The following RGS12 variants were observed in gnomAD, a reference collection of about 807,000 sequenced individuals.
The protein encoded by RGS12 is regulator of G protein signaling 12, also known as regulator of G-protein signaling 12.
In RGS12, 66 loss-of-function variants were observed where a neutral mutation model predicts 120.1. That is an observed-to-expected ratio of 0.55 (90% confidence interval 0.45 to 0.67). The LOEUF (loss-of-function observed/expected upper bound fraction) is 0.67. Ranked by LOEUF, RGS12 falls within the 30% of genes least tolerant of loss-of-function variation. The pLI, the probability that RGS12 is intolerant of heterozygous loss-of-function variation, is 0.00. For synonymous variants in RGS12, 827 were observed against 804.7 expected (o/e 1.03, Z -0.47); for missense variants, 1,859 against 1,957.7 (o/e 0.95, Z 0.95).
At chr4:3,415,123 G>A (rs576884178) in intron 6 of RGS12, among the ~76,000 whole-genome samples, 96 of 142,520 alleles carry the variant, frequency 6.7e-4, no homozygotes, top group African/African-American at 2.4e-3. Context: ...AGAGGGCCGC[G>A]TGTGTGTGAG....
intron 4 of RGS12, among the ~76,000 whole-genome samples, chr4:3,409,955 G>C (rs994132337): frequency 2.0e-5 from 3 of 152,204 alleles, no homozygotes; most frequent in Non-Finnish European, 4.4e-5. Flanking sequence ...TGAACTTCGT[G>C]CTGCTCCGTG....
intron 17 of RGS12, among the ~76,000 whole-genome samples, chr4:3,436,897 G>A (rs916850301): frequency 3.3e-5 from 5 of 152,322 alleles, no homozygotes; most frequent in African/African-American, 4.8e-5. Context: ...GCCGTGGGGC[G>A]CCGGGGAGAG....
chr4:3,432,279 T>C, intron 17 of RGS12: 11 of 674,866 alleles, frequency 1.6e-5, no homozygotes, highest in Non-Finnish European at 2.0e-5. Flanking sequence ...TTTAGGAGAT[T>C]AAGTGGATTT....
chr4:3,420,609 A>T (rs779281661), intron 9 of RGS12, 33 bp from the exon 10 acceptor site: 2 of 1,607,512 alleles, frequency 1.2e-6, no homozygotes, highest in Admixed American at 3.3e-5. Flanking sequence ...CAGGGTTCTG[A>T]TTGACGTGAG....
chr4:3,390,263 G>A lies in RGS12; in HGVS notation c.2020+3826G>A, dbSNP rs1016309221. ...TGTCAATTTCCTGCCCGTGCTAGGG[G>A]CAGCTTCCATCATTTTAATTATTCA... On this transcript the variant is annotated intron_variant, in intron 4 of 17. Coordinates refer to ENST00000336727, the MANE Select transcript of RGS12 (RefSeq NM_001394154.1). This position sits in a 1 kb window ranked among gnomAD's most constrained non-coding sequence, Gnocchi z 4.6. 3.3e-5 allele frequency among the ~76,000 whole-genome samples: 5 copies of A among 152,162 alleles called. No individual in the cohort carries two copies. The highest frequency in any genetic ancestry group is 7.2e-5 in the African/African-American group (3 of 41,432).
chr4:3,291,148 G>A (rs1403747062), upstream of RGS12, among the ~76,000 whole-genome samples: 1 of 152,238 alleles, frequency 6.6e-6, no homozygotes, highest in African/African-American at 2.4e-5. Context: ...AGGGAAAGAA[G>A]AGACCTGCAG....
intron 3 of RGS12, among the ~76,000 whole-genome samples, chr4:3,383,331 G>C (rs1718463082): frequency 6.6e-6 from 1 of 152,082 alleles, no homozygotes; most frequent in Admixed American, 6.5e-5. Context: ...TTTGGGTGGG[G>C]CATGGAGGCT....
At chr4:3,378,001 C>T (rs915177882) in intron 3 of RGS12, among the ~76,000 whole-genome samples, 5 of 152,090 alleles carry the variant, frequency 3.3e-5, no homozygotes, top group Non-Finnish European at 7.4e-5. Context: ...CCATGGGTGG[C>T]TTTGTTTTTG....
intron 1 of RGS12, among the ~76,000 whole-genome samples, chr4:3,306,383 G>C (rs1723967347): frequency 6.6e-6 from 1 of 152,226 alleles, no homozygotes; most frequent in South Asian, 2.1e-4. Context: ...CGAGGAGACG[G>C]ATGCAGGTAT....
chr4:3,387,270 C>T (rs563095037), intron 4 of RGS12, among the ~76,000 whole-genome samples: 6 of 152,336 alleles, frequency 3.9e-5, no homozygotes, highest in Non-Finnish European at 7.3e-5. Flanking sequence ...GTTTGAGGTG[C>T]CACTGTATTT....
rs374632567 is a variant in RGS12 at position 3,317,054 on chromosome 4, C to T, written c.884C>T (p.Pro295Leu). 48 of 1,613,478 alleles carry T rather than the reference C, an allele frequency of 3.0e-5. No individual in the cohort carries two copies. The African/African-American group carries it at 4.0e-4, about 13-fold the overall frequency. Residue 295 changes from proline (P) to leucine (L), a missense_variant, in exon 2 of 18, where the codon CCG (proline) becomes CTG (leucine). By Grantham distance (98) the Pro-to-Leu change is moderately conservative (BLOSUM62 -3). Around this residue, in one of 3 missense-constraint regions of RGS12, gnomAD observed 967 missense variants for 994.2 expected, o/e 0.97. Coordinates refer to ENST00000336727, the MANE Select transcript of RGS12 (RefSeq NM_001394154.1). ...AAGGCTGGAGTCGTGGCCGAGTACC[C>T]GGCCGAGAAGCTGGCCTTCAGCGCC... ...TDKAGVVAEY[P>L]AEKLAFSAVC...
At chr4:3,348,120 T>G (rs1186085509) in intron 3 of RGS12, among the ~76,000 whole-genome samples, 1 of 152,160 alleles carries the variant, frequency 6.6e-6, no homozygotes, top group Non-Finnish European at 1.5e-5. Context: ...TCAAAAAGAT[T>G]TAATTTAGAA....
Position 3,383,944 on chromosome 4 carries a change from A to T in RGS12, c.1999-2472A>T, listed in dbSNP as rs940627519. Among the ~76,000 whole-genome samples the T allele has an allele frequency of 3.9e-5, 6 of 152,360 alleles. No individual in the cohort carries two copies. The South Asian group carries it at 6.2e-4, about 16-fold the overall frequency. ...TTTGGGGGATGTAAATGCTGCGTGT[A>T]TAGAGGTTTTCTAGAGCACTTTGTT... is the stretch of plus-strand genomic sequence containing the variant. On this transcript the variant is annotated intron_variant, in intron 3 of 17. Transcript: ENST00000336727.
intron 2 of RGS12, among the ~76,000 whole-genome samples, chr4:3,336,614 G>T (rs560016993): frequency 6.6e-6 from 1 of 152,360 alleles, no homozygotes; most frequent in African/African-American, 2.4e-5. Flanking sequence ...CCAGGACATG[G>T]TCCTTGCCCC....
At chr4:3,341,046 G>C (rs1174214211) in intron 2 of RGS12, among the ~76,000 whole-genome samples, 4 of 151,368 alleles carry the variant, frequency 2.6e-5, no homozygotes, top group Non-Finnish European at 5.9e-5. Context: ...GCCTGGTGGG[G>C]GCCCAGTGGT....
intron 1 of RGS12, among the ~76,000 whole-genome samples, chr4:3,305,090 T>G (rs1723900465): frequency 6.6e-6 from 1 of 152,202 alleles, no homozygotes; most frequent in Non-Finnish European, 1.5e-5. Flanking sequence ...GCCAGAGACA[T>G]CCATTCCTTG....
intron 9 of RGS12, chr4:3,418,672 C>T (rs1291518117): frequency 1.3e-5 from 2 of 152,298 alleles, no homozygotes; most frequent in Non-Finnish European, 2.9e-5. Context: ...GTGGGCAGCC[C>T]TGAGCTTCTG....
At chr4:3,386,245 C>T (rs965557777) in intron 3 of RGS12, 171 bp from the exon 4 acceptor site, 3 of 648,488 alleles carry the variant, frequency 4.6e-6, no homozygotes, top group Admixed American at 2.8e-5. Flanking sequence ...GAGTGGGAGC[C>T]GTGACTCTTG....
chr4:3,294,590 CA>C (rs1457830815), intron 1 of RGS12, among the ~76,000 whole-genome samples: 1 of 152,162 alleles, frequency 6.6e-6, no homozygotes, highest in Non-Finnish European at 1.5e-5. Flanking sequence ...GGATGCTCTG[CA>C]GGTGGGGGAG....
Sources: gnomAD v4.1 joint callset for allele counts (sites outside exome capture counted in the v4.1 genomes callset) on GRCh38, gnomAD v4.1.1 for gene constraint, gnomAD v4.1.1 regional missense constraint, Gnocchi (gnomAD v3.1) non-coding constraint, MANE v1.5 for transcripts, NCBI Gene and HGNC (gene_info 2026-07-23, HGNC 2026-07-21) for gene names.